Variants in FILIP1 observed in about 807,000 individuals in gnomAD.
FILIP1 encodes the protein filamin-A-interacting protein 1.
In FILIP1, 61 loss-of-function variants were observed where a neutral mutation model predicts 102.1. The observed-to-expected ratio is 0.60, with a 90% confidence interval of 0.49 to 0.74. The LOEUF (loss-of-function observed/expected upper bound fraction) is 0.74, where lower values mean the gene tolerates loss of function less well. Ranked by LOEUF, FILIP1 falls within the 30% of genes least tolerant of loss-of-function variation. The probability of loss-of-function intolerance (pLI) is 0.00; values close to 1 mark genes in which losing one functional copy is unlikely to be tolerated. For synonymous variants in FILIP1, 491 were observed against 526.9 expected, an observed-to-expected ratio of 0.93 and a Z score of 0.93; for missense variants, 1,314 against 1,441.2, an observed-to-expected ratio of 0.91 and a Z score of 1.43.
intron 4 of FILIP1, among the ~76,000 whole-genome samples, chr6:75,330,152 T>A (rs1774025028): frequency 6.6e-6 from 1 of 152,194 alleles, no homozygotes; most frequent in Admixed American, 6.5e-5. Flanking sequence ...TGATACTTTT[T>A]AAATAGTTCA....
intron 2 of FILIP1, among the ~76,000 whole-genome samples, chr6:75,413,282 C>T (rs979282340): frequency 2.0e-5 from 3 of 152,100 alleles, no homozygotes; most frequent in Non-Finnish European, 2.9e-5. Flanking sequence ...CAATAGCTTT[C>T]GGCTGGGGGC....
rs539708870 is a variant in FILIP1 at position 75,356,634 on chromosome 6, A to T, written c.451-2917T>A. ...CAGGCTCCCACCACCACACCCAGCT[A>T]GTTTTTGTATTTTTAGTAGAGACGG... On this transcript the variant is annotated intron_variant, in intron 3 of 5. Coordinates refer to ENST00000237172, the MANE Select transcript of FILIP1 (RefSeq NM_015687.5). 1.2e-3 allele frequency among the ~76,000 whole-genome samples: 187 copies of T among 152,038 alleles called. 1 individual carries two copies. Among genetic ancestry groups the T allele is most frequent in the Admixed American group, 3.3e-3 (51 of 15,268 alleles).
At chr6:75,457,980 C>A (rs1378113058) in intron 1 of FILIP1, among the ~76,000 whole-genome samples, 1 of 152,112 alleles carries the variant, frequency 6.6e-6, no homozygotes, top group Admixed American at 6.6e-5. Flanking sequence ...CCACCTCACC[C>A]ACCCCACCAA....
At chr6:75,432,886 G>A (rs9443172) in intron 1 of FILIP1, among the ~76,000 whole-genome samples, 33,948 of 151,454 alleles carry the variant, frequency 0.22, 3,825 homozygotes, top group South Asian at 0.3. Flanking sequence ...CTGTGTCCAT[G>A]TGTATTGTTC....
Position 75,337,544 on chromosome 6 carries a change from C to CT in FILIP1, c.629+15994dup, listed in dbSNP as rs112013774. On this transcript the variant is annotated intron_variant, in intron 4 of 5. Coordinates refer to ENST00000237172, the MANE Select transcript of FILIP1 (RefSeq NM_015687.5). ...TGCAATATGCTTTCATCTCACAAAA[C>CT]TTTTTTTTTTTTTTGTAGCAGAGCA... Among the ~76,000 whole-genome samples, 660 of 144,816 alleles carry CT rather than the reference C, an allele frequency of 4.6e-3. 3 individuals carry two copies. The highest frequency in any genetic ancestry group is 0.012 in the African/African-American group (471 of 39,908).
intron 4 of FILIP1, among the ~76,000 whole-genome samples, chr6:75,330,103 T>G (rs1335854199): frequency 6.6e-6 from 1 of 152,200 alleles, no homozygotes; most frequent in Non-Finnish European, 1.5e-5. Context: ...CACTTGAAAT[T>G]TTGATATTTT....
At chr6:75,465,441 C>T (rs1779134827) in intron 1 of FILIP1, 6 of 865,176 alleles carry the variant, frequency 6.9e-6, no homozygotes, top group Non-Finnish European at 1.1e-5. Context: ...TTCACTGACC[C>T]ATATCAATGC....
rs906002829 is a variant in FILIP1 at position 75,313,478 on chromosome 6, G to C, written c.2354C>G (p.Ala785Gly). The change falls in exon 5 of 6, where the codon GCT becomes GGT. Residue 785 changes from alanine to glycine, a missense_variant. Around this residue, in one of 3 missense-constraint regions of FILIP1, gnomAD observed 816 missense variants for 913.1 expected, o/e 0.89. Coordinates refer to ENST00000237172, the MANE Select transcript of FILIP1 (RefSeq NM_015687.5). The surrounding 1 kb of genome is among the most constrained non-coding windows in gnomAD (Gnocchi z 4.2). ...TCTTCCATTCACACTGGGCCTAAGA[G>C]CTCTGCTGTAGCGCTTGGAAAGCTC... Reference protein sequence around the residue: ...ELELSKRYSRALRPSVNGRRM... With the variant: ...ELELSKRYSRGLRPSVNGRRM... 3.7e-6 allele frequency: 6 copies of C among 1,614,082 alleles called. No homozygotes were observed. Among genetic ancestry groups the C allele is most frequent in the Non-Finnish European group, 5.1e-6 (6 of 1,180,044 alleles).
At chr6:75,398,169 A>G (rs1397898293) in intron 2 of FILIP1, 5 of 152,314 alleles carry the variant, frequency 3.3e-5, no homozygotes, top group Non-Finnish European at 5.9e-5. Context: ...CAGTGAAAGA[A>G]TTCCAACAAT....
chr6:75,434,198 T>A (rs1777934620), intron 1 of FILIP1, among the ~76,000 whole-genome samples: 1 of 152,214 alleles, frequency 6.6e-6, no homozygotes, highest in African/African-American at 2.4e-5. Flanking sequence ...ATATGAACTT[T>A]AAAGTAGTTT....
chr6:75,382,435 T>G (rs1239559393), intron 2 of FILIP1, among the ~76,000 whole-genome samples: 1 of 152,172 alleles, frequency 6.6e-6, no homozygotes, highest in Non-Finnish European at 1.5e-5. Flanking sequence ...GTCACTTTTT[T>G]CTGAAGAGAA....
chr6:75,456,909 T>G (rs912958439), intron 1 of FILIP1, among the ~76,000 whole-genome samples: 1 of 152,220 alleles, frequency 6.6e-6, no homozygotes, highest in Non-Finnish European at 1.5e-5. Context: ...CTTATTTGCA[T>G]GTATTATTTT....
chr6:75,386,720 G>A (rs916719336), intron 2 of FILIP1, among the ~76,000 whole-genome samples: 5 of 152,120 alleles, frequency 3.3e-5, no homozygotes, highest in South Asian at 2.1e-4. Context: ...AAACAATTAC[G>A]TAACTCTGAT....
chr6:75,365,475 A>G (rs1362666026), intron 2 of FILIP1, among the ~76,000 whole-genome samples: 2 of 152,112 alleles, frequency 1.3e-5, no homozygotes, highest in Non-Finnish European at 2.9e-5. Context: ...GGTTCAAGCG[A>G]TTCTCCTGCC....
In FILIP1 at chr6:75,313,294, G is replaced by T; in HGVS notation, c.2538C>A (p.Pro846=). 1 of 1,614,122 alleles carries T rather than the reference G, an allele frequency of 6.2e-7. No individual in the cohort carries two copies. The change falls in exon 5 of 6, where the codon CCC becomes CCA. Residue 846 remains proline, a synonymous_variant. Transcript: ENST00000237172. This position sits in a 1 kb window ranked among gnomAD's most constrained non-coding sequence, Gnocchi z 4.2. The part of the protein sequence containing the change: ...SNLRQVGLKK[P]VERSSVLDRY... ...TGTCTAGAACAGAAGATCTTTCCAC[G>T]GGTTTCTTCAATCCCACCTGCCGAA...
chr6:75,417,403 T>C (rs1777304223), intron 1 of FILIP1, among the ~76,000 whole-genome samples: 1 of 152,212 alleles, frequency 6.6e-6, no homozygotes, highest in Non-Finnish European at 1.5e-5. Flanking sequence ...AAGAATGTTT[T>C]AGCAAGGAAT....
intron 3 of FILIP1, among the ~76,000 whole-genome samples, chr6:75,359,904 T>G (rs565434609): frequency 1.3e-5 from 2 of 152,078 alleles, no homozygotes; most frequent in African/African-American, 4.8e-5. Context: ...ATCAAAGAGG[T>G]CTTAAATACT....
At chr6:75,339,119 T>C (rs1174830949) in intron 4 of FILIP1, among the ~76,000 whole-genome samples, 1 of 152,232 alleles carries the variant, frequency 6.6e-6, no homozygotes, top group Non-Finnish European at 1.5e-5. Flanking sequence ...CCAAAATCTG[T>C]TACTAGAAAG....
intron 1 of FILIP1, among the ~76,000 whole-genome samples, chr6:75,474,149 T>G (rs907316256): frequency 1.3e-5 from 2 of 152,136 alleles, no homozygotes; most frequent in African/African-American, 4.8e-5. Flanking sequence ...AAATATAGTC[T>G]TCTTATTTTT....
Sources: gnomAD v4.1 joint callset for allele counts (sites outside exome capture counted in the v4.1 genomes callset) on GRCh38, gnomAD v4.1.1 for gene constraint, gnomAD v4.1.1 regional missense constraint, Gnocchi (gnomAD v3.1) non-coding constraint, MANE v1.5 for transcripts, NCBI Gene and HGNC (gene_info 2026-07-23, HGNC 2026-07-21) for gene names.